The following IPO8 variants were observed in gnomAD, a reference collection of about 807,000 sequenced individuals.
IPO8 encodes importin 8, also known as importin-8.
IPO8 carries 65 observed loss-of-function variants against 141.2 expected under a neutral mutation model. The observed-to-expected ratio is 0.46, with a 90% CI of 0.38 to 0.57. The LOEUF (loss-of-function observed/expected upper bound fraction) is 0.57, where lower values mean the gene tolerates loss of function less well. Among genes scored for constraint, IPO8 ranks in the 20% least tolerant of loss-of-function variants. The probability of loss-of-function intolerance (pLI) is 0.00; values close to 1 mark genes in which losing one functional copy is unlikely to be tolerated. For missense variants in IPO8, 980 were observed against 1,246.8 expected, an observed-to-expected ratio of 0.79 and a Z score of 3.22; for synonymous variants, 411 against 420.3, an observed-to-expected ratio of 0.98 and a Z score of 0.27.
chr12:30,662,633 T>C, intron 14 of IPO8, 146 bp from the exon 15 acceptor site: 8 of 680,854 alleles, frequency 1.2e-5, no homozygotes, highest in Non-Finnish European at 7.9e-6. Flanking sequence ...GTTACAAAGC[T>C]GTACCTAAAT....
intron 17 of IPO8, 116 bp from the exon 18 acceptor site, chr12:30,653,208 T>C: frequency 1.2e-6 from 1 of 816,336 alleles, no homozygotes; most frequent in South Asian, 1.7e-5. Flanking sequence ...CTATCCAATG[T>C]ACTCATAAGC....
chr12:30,678,289 T>C (rs2099661), intron 5 of IPO8, among the ~76,000 whole-genome samples: 98,484 of 152,022 alleles, frequency 0.65, 32,921 homozygotes, highest in African/African-American at 0.79. Context: ...ATTCACTCAC[T>C]ACTACCTCAC....
At chr12:30,633,579 G>A (rs933486136) in intron 23 of IPO8, among the ~76,000 whole-genome samples, 4 of 152,050 alleles carry the variant, frequency 2.6e-5, no homozygotes, top group African/African-American at 7.2e-5. Flanking sequence ...TTCTCCCCCC[G>A]AATCATTTAT....
rs1193528155 is a variant in IPO8, at chr12:30,639,514, C to T, written c.2489+1G>A. The T allele has an allele frequency of 6.2e-7, 1 of 1,603,748 alleles. No homozygotes were observed. The highest frequency in any genetic ancestry group is 1.3e-5 in the African/African-American group (1 of 74,650). ...CAGTGTAAAATCCAAAAGACACATACCCAAGAAAACAATCTGTATCATTCA... is the reference window on the plus strand; with the variant it reads ...CAGTGTAAAATCCAAAAGACACATATCCAAGAAAACAATCTGTATCATTCA... On this transcript the variant is annotated splice_donor_variant, in intron 21 of 24. Coordinates refer to ENST00000256079, the MANE Select transcript of IPO8 (RefSeq NM_006390.4). LOFTEE classifies it high-confidence loss of function.
intron 8 of IPO8, 47 bp from the exon 9 acceptor site, chr12:30,671,143 T>TA: frequency 7.5e-7 from 1 of 1,339,942 alleles, no homozygotes; most frequent in Non-Finnish European, 1.1e-6. Flanking sequence ...ATTATAAGGT[T>TA]AAAAGGGGGA....
intron 21 of IPO8, 152 bp from the exon 22 acceptor site, chr12:30,637,339 A>G: frequency 1.6e-6 from 1 of 636,998 alleles, no homozygotes; most frequent in South Asian, 2.0e-5. Context: ...ACTGTATGAA[A>G]TGCTATGTAA....
At position 30,680,489 on chromosome 12, in the gene IPO8, A is replaced by C; in HGVS notation, c.632T>G (p.Leu211Arg). 2.5e-6 allele frequency: 4 copies of C among 1,608,864 alleles called. No homozygotes were observed. The highest frequency in any genetic ancestry group is 3.4e-6 in the Non-Finnish European group (4 of 1,177,470). The stretch of plus-strand genomic sequence containing the variant: ...TCTGCAATAGAAACCTACCTGAACA[A>C]GTGCATAAAAGATTTTCAGAATTTG... ...QKQILKIFYALVQYALPLQLV... is the reference protein window; with the variant it reads ...QKQILKIFYARVQYALPLQLV... Residue 211 changes from leucine (L) to arginine (R), a missense_variant, in exon 5 of 25, where the codon CTT becomes CGT. This residue lies in a region of IPO8 where 924 missense variants were observed against 1,153.9 expected (regional missense o/e 0.80). Transcript: ENST00000256079.
chr12:30,638,406 C>T (rs972057637), intron 21 of IPO8, among the ~76,000 whole-genome samples: 5 of 152,148 alleles, frequency 3.3e-5, no homozygotes, highest in African/African-American at 9.7e-5. Flanking sequence ...TTCCCCCATT[C>T]CTAACGCCCC....
intron 5 of IPO8, among the ~76,000 whole-genome samples, chr12:30,679,596 AAT>A (rs1272511927): frequency 1.3e-5 from 2 of 152,100 alleles, no homozygotes; most frequent in Non-Finnish European, 2.9e-5. Flanking sequence ...GAAAAAAAAA[AAT>A]ATCTGCCTCA....
At chr12:30,652,832 C>T in intron 18 of IPO8, 135 bp downstream of exon 18, 1 of 812,152 alleles carries the variant, frequency 1.2e-6, no homozygotes, top group Non-Finnish European at 1.9e-6. Context: ...TACAATAGCC[C>T]CAGCTTTTAT....
chr12:30,680,406 G>A (rs2053176665), intron 5 of IPO8, 76 bp downstream of exon 5: 1 of 1,097,680 alleles, frequency 9.1e-7, no homozygotes, highest in African/African-American at 1.6e-5. Context: ...AATAATAAGT[G>A]ACACTTATTG....
At chr12:30,646,543 A>G (rs1476596690) in intron 20 of IPO8, among the ~76,000 whole-genome samples, 1 of 152,228 alleles carries the variant, frequency 6.6e-6, no homozygotes, top group Non-Finnish European at 1.5e-5. Flanking sequence ...CTGGAAAGGT[A>G]AAACTCTTAT....
At chr12:30,658,319 GC>G (rs1290120866) in intron 16 of IPO8, among the ~76,000 whole-genome samples, 3 of 152,144 alleles carry the variant, frequency 2.0e-5, no homozygotes, top group Non-Finnish European at 4.4e-5. Flanking sequence ...TTCAAAGTTT[GC>G]TTTTAATAAG....
chr12:30,681,816 C>T lies in IPO8; in HGVS notation c.325G>A (p.Val109Ile). ...GIIRSPDLVR[V>I]QLTMCLRAII... ...GCACGGAGACACATTGTTAATTGGA[C>T]TCTACAAAGTAGGGAAGAAAAGTCC... The change falls in exon 4 of 25, where the codon GTC becomes ATC. Residue 109 changes from valine (V) to isoleucine (I), a missense_variant and splice_region_variant. Coordinates refer to ENST00000256079, the MANE Select transcript of IPO8 (RefSeq NM_006390.4). 1.9e-6 allele frequency: 3 copies of T among 1,611,716 alleles called. No homozygotes were observed. Among genetic ancestry groups the T allele is most frequent in the Non-Finnish European group, 2.5e-6 (3 of 1,178,754 alleles).
At chr12:30,684,580 C>T in intron 2 of IPO8, 123 bp from the exon 3 acceptor site, 1 of 871,808 alleles carries the variant, frequency 1.1e-6, no homozygotes, top group Non-Finnish European at 1.8e-6. Flanking sequence ...AATGGATACT[C>T]TTACAGGTAT....
intron 5 of IPO8, among the ~76,000 whole-genome samples, chr12:30,679,072 C>T (rs908947254): frequency 1.9e-4 from 29 of 152,176 alleles, no homozygotes; most frequent in Admixed American, 2.0e-4. Context: ...CTCCAGACCT[C>T]AGGTGACCCA....
chr12:30,695,060 G>C lies in IPO8; in HGVS notation c.84+504C>G, dbSNP rs2053324745. 2.2e-6 allele frequency: 1 copy of C among 455,426 alleles called. No individual in the cohort carries two copies. Among genetic ancestry groups the C allele is most frequent in the Admixed American group, 2.4e-5 (1 of 42,108 alleles). The allele number at this position is 455,426 out of a possible 1,614,324, so 28.2% of individuals were successfully genotyped here. ...CACTCTCCCAACAGCACTGCCCAGCGCTCCGCAAAACTCGGCCAATCGGTG... is the reference window on the plus strand; with the variant it reads ...CACTCTCCCAACAGCACTGCCCAGCCCTCCGCAAAACTCGGCCAATCGGTG... On this transcript the variant is annotated intron_variant, in intron 1 of 24. Coordinates refer to ENST00000256079, the MANE Select transcript of IPO8 (RefSeq NM_006390.4). The surrounding 1 kb of genome is among the most constrained non-coding windows in gnomAD (Gnocchi z 4.2).
chr12:30,665,195 C>T (rs745712643), intron 13 of IPO8, 25 bp downstream of exon 13: 2 of 1,205,574 alleles, frequency 1.7e-6, no homozygotes, highest in Non-Finnish European at 1.2e-6. Context: ...ATTTAAGATA[C>T]ATAACAGAAA....
At chr12:30,680,712 AT>A (rs145145607) in intron 4 of IPO8, 74 bp from the exon 5 acceptor site, 12,167 of 1,195,704 alleles carry the variant, frequency 0.01, 249 homozygotes, top group East Asian at 0.094. Flanking sequence ...ATTATAAAAT[AT>A]TTTTTAAATA....
Sources: gnomAD v4.1 joint callset for allele counts (sites outside exome capture counted in the v4.1 genomes callset) on GRCh38, gnomAD v4.1.1 for gene constraint, gnomAD v4.1.1 regional missense constraint, Gnocchi (gnomAD v3.1) non-coding constraint, MANE v1.5 for transcripts, NCBI Gene and HGNC (gene_info 2026-07-23, HGNC 2026-07-21) for gene names.